PTPRN2: variants seen among roughly 807,000 people sequenced by gnomAD.
The protein encoded by PTPRN2 is receptor-type tyrosine-protein phosphatase N2.
PTPRN2 carries 74 observed loss-of-function variants against 118.8 expected under a neutral mutation model. The observed-to-expected ratio is 0.62, with a 90% CI of 0.52 to 0.76. The LOEUF (loss-of-function observed/expected upper bound fraction) is 0.76, where lower values mean the gene tolerates loss of function less well. Ranked by LOEUF, PTPRN2 falls within the 30% of genes least tolerant of loss-of-function variation. The pLI, the probability that PTPRN2 is intolerant of heterozygous loss-of-function variation, is 0.00. For synonymous variants in PTPRN2, 641 were observed against 608.0 expected (o/e 1.05, Z -0.80); for missense variants, 1,481 against 1,394.4 (o/e 1.06, Z -0.99).
intron 14 of PTPRN2, among the ~76,000 whole-genome samples, chr7:157,643,050 G>A (rs1804801628): frequency 6.6e-6 from 1 of 152,188 alleles, no homozygotes; most frequent in East Asian, 1.9e-4. Flanking sequence ...TGGGGCTATG[G>A]CAGGATAAAC....
At position 158,138,323 on chromosome 7, in the gene PTPRN2, T is replaced by G. The variant is rs1819030828; in HGVS notation, c.1103A>C (p.Lys368Thr). The change falls in exon 7 of 23, where the codon AAG becomes ACG. Residue 368 changes from lysine (K) to threonine (T), a missense_variant. Lys to Thr is a moderately conservative substitution (Grantham distance 78, BLOSUM62 -1). This residue lies in a region of PTPRN2 where 1,115 missense variants were observed against 994.2 expected (regional missense o/e 1.12). Transcript: ENST00000389418. ...AAAGCTGTCTCCACGGAGGGTGGCC[T>G]TGGGGCCATCCGCCTGTTCTCCAGA... ...GESGEQADGP[K>T]ATLRGDSFPD... The G allele has an allele frequency of 6.2e-7, 1 of 1,613,322 alleles. No homozygotes were observed. Among genetic ancestry groups the G allele is most frequent in the African/African-American group, 1.3e-5 (1 of 74,940 alleles).
At chr7:157,635,646 G>A (rs1318741560) in intron 14 of PTPRN2, among the ~76,000 whole-genome samples, 2 of 152,178 alleles carry the variant, frequency 1.3e-5, no homozygotes, top group Non-Finnish European at 2.9e-5. Flanking sequence ...TCTCTGGCTA[G>A]CTTACAGACT....
At chr7:157,762,470 CATT>C (rs1213570056) in intron 12 of PTPRN2, among the ~76,000 whole-genome samples, 1 of 151,774 alleles carries the variant, frequency 6.6e-6, no homozygotes, top group Non-Finnish European at 1.5e-5. Context: ...TGGAAATCAT[CATT>C]CTCAGTAAAC....
At chr7:158,261,182 C>G (rs975785961) in intron 3 of PTPRN2, among the ~76,000 whole-genome samples, 4 of 152,076 alleles carry the variant, frequency 2.6e-5, no homozygotes, top group Non-Finnish European at 5.9e-5. Context: ...GGTGGAAGAC[C>G]CTGCCTACGG....
Position 158,372,217 on chromosome 7 carries a change from C to T in PTPRN2, c.164-55285G>A, listed in dbSNP as rs1243360351. Among the ~76,000 whole-genome samples the T allele has an allele frequency of 1.6e-4, 24 of 150,184 alleles. 3 individuals are homozygous for T. In the South Asian group the frequency reaches 3.0e-3, roughly 19 times the overall value. On this transcript the variant is annotated intron_variant, in intron 2 of 22. Transcript: ENST00000389418. ...CCCAACGCTGGTCCCCGGAGCTGGACACCCCCAGGCTGGACCCCGGAGCTG... is the reference window on the plus strand; with the variant it reads ...CCCAACGCTGGTCCCCGGAGCTGGATACCCCCAGGCTGGACCCCGGAGCTG...
intron 11 of PTPRN2, among the ~76,000 whole-genome samples, chr7:158,054,017 G>A (rs1007696849): frequency 1.6e-5 from 2 of 124,928 alleles, no homozygotes; most frequent in African/African-American, 8.0e-5. Context: ...CCCTAGAGAC[G>A]CAGAGACTCC....
At chr7:158,400,089 A>G (rs1342361877) in intron 2 of PTPRN2, among the ~76,000 whole-genome samples, 1 of 152,216 alleles carries the variant, frequency 6.6e-6, no homozygotes, top group Non-Finnish European at 1.5e-5. Flanking sequence ...CGCTTTTCTC[A>G]TGTAACAGAT....
chr7:157,853,001 T>C (rs1395050655), intron 12 of PTPRN2, among the ~76,000 whole-genome samples: 2 of 152,020 alleles, frequency 1.3e-5, no homozygotes, highest in Non-Finnish European at 2.9e-5. Context: ...TTTTGGAATG[T>C]GGTTTCCCAT....
chr7:157,824,745 C>T (rs1351042061), intron 12 of PTPRN2, among the ~76,000 whole-genome samples: 1 of 152,200 alleles, frequency 6.6e-6, no homozygotes, highest in Non-Finnish European at 1.5e-5. Flanking sequence ...GGATGCTACA[C>T]TGCAGTGACC....
rs533894560 is a variant in PTPRN2 at position 157,955,641 on chromosome 7, A to G, written c.1724-56904T>C. ...CAGGATCAACTCTCTTCTTCAGACA[A>G]CTCCCAACCATTGTGGTTTTAAGTG... is the stretch of plus-strand genomic sequence containing the variant. On this transcript the variant is annotated intron_variant, in intron 11 of 22. Coordinates refer to ENST00000389418, the MANE Select transcript of PTPRN2 (RefSeq NM_002847.5). 1.8e-4 allele frequency among the ~76,000 whole-genome samples: 27 copies of G among 152,188 alleles called. No individual in the cohort carries two copies. In the South Asian group the frequency reaches 5.6e-3, roughly 32 times the overall value.
At chr7:158,476,469 GTAAGT>G (rs1820272738) in intron 2 of PTPRN2, among the ~76,000 whole-genome samples, 1 of 152,250 alleles carries the variant, frequency 6.6e-6, no homozygotes, top group African/African-American at 2.4e-5. Flanking sequence ...ATGAATGACT[GTAAGT>G]CACCAACAAC....
intron 12 of PTPRN2, among the ~76,000 whole-genome samples, chr7:157,698,249 A>C (rs1303214219): frequency 6.6e-6 from 1 of 152,256 alleles, no homozygotes; most frequent in Non-Finnish European, 1.5e-5. Context: ...TTTCAAGAAA[A>C]ATATGAATTC....
chr7:158,342,659 G>T (rs912776746), intron 2 of PTPRN2, among the ~76,000 whole-genome samples: 12 of 152,194 alleles, frequency 7.9e-5, no homozygotes, highest in African/African-American at 2.9e-4. Context: ...CAGTCCTTAT[G>T]ATAACCCTTA....
chr7:157,986,127 G>C lies in PTPRN2; in HGVS notation c.1724-87390C>G, dbSNP rs547223446. On this transcript the variant is annotated intron_variant, in intron 11 of 22. Transcript: ENST00000389418. The surrounding 1 kb of genome is among the most constrained non-coding windows in gnomAD (Gnocchi z 4.5). ...GACCATCTTCTCTGGTGCTCAGTGA[G>C]GCAATAGCATGAGATAGATACCCTC... Among the ~76,000 whole-genome samples, 1 of 152,320 alleles carries C rather than the reference G, an allele frequency of 6.6e-6. No homozygotes were observed. Among genetic ancestry groups the C allele is most frequent in the South Asian group, 2.1e-4 (1 of 4,816 alleles).
At position 158,407,196 on chromosome 7, in the gene PTPRN2, CCT is replaced by C. The variant is rs1813572750; in HGVS notation, c.163+82537_163+82538del. 1.0e-4 allele frequency among the ~76,000 whole-genome samples: 3 copies of C among 28,832 alleles called. 1 individual carries two copies. The highest frequency in any genetic ancestry group is 1.8e-4 in the Non-Finnish European group (2 of 11,240). The allele number at this position is 28,832 out of a possible 152,430, so 18.9% of individuals were successfully genotyped here. ...GCGTCCTGCGTCCTGGGTCCTGGGTCCTGGGTCCTGGGTCCTGCGTCCTGCGT... is the reference window on the plus strand; with the variant it reads ...GCGTCCTGCGTCCTGGGTCCTGGGTCGGGTCCTGGGTCCTGCGTCCTGCGT... On this transcript the variant is annotated intron_variant, in intron 2 of 22. Coordinates refer to ENST00000389418, the MANE Select transcript of PTPRN2 (RefSeq NM_002847.5).
intron 9 of PTPRN2, among the ~76,000 whole-genome samples, chr7:158,133,080 A>T (rs1818505495): frequency 6.6e-6 from 1 of 152,212 alleles, no homozygotes; most frequent in Non-Finnish European, 1.5e-5. Context: ...AGACTCGTTA[A>T]GTTCAGATCG....
At chr7:158,542,198 T>C (rs936090106) in intron 1 of PTPRN2, among the ~76,000 whole-genome samples, 2 of 152,182 alleles carry the variant, frequency 1.3e-5, no homozygotes, top group African/African-American at 4.8e-5. Flanking sequence ...TCACCCAGCC[T>C]GGAGTGCAGT....
chr7:158,580,758 G>A (rs1027000458), intron 1 of PTPRN2, among the ~76,000 whole-genome samples: 9 of 152,118 alleles, frequency 5.9e-5, no homozygotes, highest in African/African-American at 1.4e-4. Flanking sequence ...GTGTCACCAC[G>A]TTTTTAAAAA....
chr7:158,042,616 G>T (rs991532543), intron 11 of PTPRN2, among the ~76,000 whole-genome samples: 2 of 152,190 alleles, frequency 1.3e-5, no homozygotes, highest in Non-Finnish European at 2.9e-5. Flanking sequence ...TGTGCTGCTG[G>T]TATCCTGCCT....
Sources: gnomAD v4.1 joint callset for allele counts (sites outside exome capture counted in the v4.1 genomes callset) on GRCh38, gnomAD v4.1.1 for gene constraint, gnomAD v4.1.1 regional missense constraint, Gnocchi (gnomAD v3.1) non-coding constraint, MANE v1.5 for transcripts, NCBI Gene and HGNC (gene_info 2026-07-23, HGNC 2026-07-21) for gene names.